The following LY75 variants were observed in gnomAD, a reference collection of about 807,000 sequenced individuals.
The protein encoded by LY75 is C-type lectin domain family 13 member B.
A neutral mutation model predicts 231.7 loss-of-function variants in LY75; 185 were observed. That is an observed-to-expected ratio of 0.80 (90% CI 0.71 to 0.90). The LOEUF (loss-of-function observed/expected upper bound fraction) is 0.90, where lower values mean the gene tolerates loss of function less well. Among genes scored for constraint, LY75 ranks in the 40% least tolerant of loss-of-function variants. The pLI is 0.00. For missense variants in LY75, 1,947 were observed against 2,050.2 expected (o/e 0.95, Z 0.97); for synonymous variants, 668 against 689.0 (o/e 0.97, Z 0.48).
intron 26 of LY75, among the ~76,000 whole-genome samples, chr2:159,834,536 A>G (rs553682169): frequency 2.6e-4 from 40 of 152,212 alleles, no homozygotes; most frequent in Non-Finnish European, 5.6e-4. Flanking sequence ...CTGTACAAAC[A>G]TATTCATTAT....
chr2:159,881,152 T>A lies in LY75; in HGVS notation c.1335A>T (p.Thr445=), dbSNP rs2666989. ...CATTTGGCTCATTCTCATCCCAATA[T>A]GTTAGAGTAACTTCAGTACCATCTG... The part of the protein sequence containing the change: ...QWSDGTEVTL[T]YWDENEPNVP... Residue 445 remains threonine (T), a synonymous_variant, in exon 8 of 35, where the codon ACA becomes ACT. Coordinates refer to ENST00000263636, the MANE Select transcript of LY75 (RefSeq NM_002349.4). The A allele has an allele frequency of 0.011, 17,671 of 1,613,926 alleles. 1,248 individuals carry two copies. In the East Asian group the frequency reaches 0.19, roughly 18 times the overall value.
intron 2 of LY75, among the ~76,000 whole-genome samples, chr2:159,897,152 G>A (rs1212338647): frequency 1.3e-5 from 2 of 152,154 alleles, no homozygotes; most frequent in Non-Finnish European, 2.9e-5. Context: ...ATATTGAAAT[G>A]AAGACACTGG....
chr2:159,815,446 T>G lies in LY75; in HGVS notation c.4508A>C (p.Asn1503Thr). ...PKGTWKHEKC[N>T]SVKDGAICYK... is the part of the protein sequence containing the mutation. The stretch of plus-strand genomic sequence containing the variant: ...ACAAATAGCACCATCCTTAACAGAG[T>G]TGCATTTTTCATGTTTCCAAGTTCC... Residue 1503 changes from asparagine (N) to threonine (T), a missense_variant, in exon 31 of 35, where the codon AAC becomes ACC. Asn to Thr is a moderately conservative substitution (Grantham distance 65). Transcript: ENST00000263636. 2 of 1,612,672 alleles carry G rather than the reference T, an allele frequency of 1.2e-6. No homozygotes were observed. Among genetic ancestry groups the G allele is most frequent in the African/African-American group, 2.7e-5 (2 of 74,890 alleles).
intron 29 of LY75, among the ~76,000 whole-genome samples, chr2:159,819,505 A>T (rs757246126): frequency 2.4e-4 from 36 of 152,118 alleles, no homozygotes; most frequent in Non-Finnish European, 4.6e-4. Context: ...TTAAACAATG[A>T]TAAGGAATTT....
rs370205806 is a variant in LY75 at position 159,888,906 on chromosome 2, C to T, written c.802+1307G>A. 9.2e-5 allele frequency among the ~76,000 whole-genome samples: 14 copies of T among 152,228 alleles called. No homozygotes were observed. The East Asian group carries it at 2.3e-3, about 25-fold the overall frequency. ...ATCTGCAAAATGAGGATAACAATAACGTCCACCTCATAAGGTAGTTAGATG... is the reference window on the plus strand; with the variant it reads ...ATCTGCAAAATGAGGATAACAATAATGTCCACCTCATAAGGTAGTTAGATG... On this transcript the variant is annotated intron_variant, in intron 4 of 34. Transcript: ENST00000263636.
In LY75 at chr2:159,807,160, A is replaced by T. The variant is rs776155777; in HGVS notation, c.4823-20T>A. 1 of 1,602,100 alleles carries T rather than the reference A, an allele frequency of 6.2e-7. No homozygotes were observed. On this transcript the variant is annotated intron_variant, in intron 33 of 34. Transcript: ENST00000263636. ...ACTGGTCTGAAGAAAGAAATTAAATACAACTATGTCTACTGCCACTAAACT... is the reference window on the plus strand; with the variant it reads ...ACTGGTCTGAAGAAAGAAATTAAATTCAACTATGTCTACTGCCACTAAACT...
intron 16 of LY75, among the ~76,000 whole-genome samples, chr2:159,856,330 G>A (rs1684549792): frequency 6.6e-6 from 1 of 152,124 alleles, no homozygotes. Context: ...CTGTGGTTGA[G>A]GTAACTTCAA....
chr2:159,828,897 G>A (rs982619047), intron 28 of LY75, among the ~76,000 whole-genome samples: 1 of 152,074 alleles, frequency 6.6e-6, no homozygotes, highest in Non-Finnish European at 1.5e-5. Context: ...CCAGTCACAC[G>A]CAAAAAGCAC....
Position 159,846,202 on chromosome 2 carries a change from T to C in LY75, c.3150+3778A>G, listed in dbSNP as rs533241275. 5.3e-5 allele frequency among the ~76,000 whole-genome samples: 8 copies of C among 151,406 alleles called. 1 individual carries two copies. The South Asian group carries it at 1.7e-3, about 32-fold the overall frequency. On this transcript the variant is annotated intron_variant, in intron 23 of 34. Transcript: ENST00000263636. ...TGTATCATATACCATGGATGTAACA[T>C]GCTATCAGAAAGGGGAAAAAAAAAA...
chr2:159,874,657 A>AAT (rs1448628725), intron 12 of LY75, among the ~76,000 whole-genome samples: 3 of 124,448 alleles, frequency 2.4e-5, no homozygotes, highest in Non-Finnish European at 4.8e-5. Context: ...ATATTTTGTA[A>AAT]ATATATATAT....
Position 159,879,344 on chromosome 2 carries a change from C to T in LY75, c.1430G>A (p.Cys477Tyr), listed in dbSNP as rs779785070. 1 of 1,613,398 alleles carries T rather than the reference C, an allele frequency of 6.2e-7. No homozygotes were observed. Among genetic ancestry groups the T allele is most frequent in the Non-Finnish European group, 8.5e-7 (1 of 1,179,818 alleles). ...GELGQWKVQS[C>Y]EEKLKYVCKR... The stretch of plus-strand genomic sequence containing the variant: ...GCATACATATTTTAGTTTCTCCTCA[C>T]ATGATTGGACTTTCCACTGACCTAG... Residue 477 changes from cysteine to tyrosine, a missense_variant, in exon 9 of 35, where the codon TGT becomes TAT. Transcript: ENST00000263636.
intron 28 of LY75, among the ~76,000 whole-genome samples, chr2:159,828,352 A>G (rs905149134): frequency 1.3e-5 from 2 of 152,048 alleles, no homozygotes; most frequent in Non-Finnish European, 2.9e-5. Flanking sequence ...AAAAATCTGA[A>G]TAGGGATTTC....
intron 1 of LY75, among the ~76,000 whole-genome samples, chr2:159,899,743 T>G (rs1160251986): frequency 6.6e-6 from 1 of 152,184 alleles, no homozygotes; most frequent in Non-Finnish European, 1.5e-5. Context: ...TTTGGAGACC[T>G]AAATTCATTG....
Position 159,881,055 on chromosome 2 carries a change from T to C in LY75, c.1404+28A>G, listed in dbSNP as rs754810002. 5 of 1,603,956 alleles carry C rather than the reference T, an allele frequency of 3.1e-6. No homozygotes were observed. The South Asian group carries it at 5.6e-5, about 18-fold the overall frequency. Reference sequence around the variant, plus strand: ...TTATCATTAGGTAAAACAGGAAGAATATAAAGAAACCACAGGAGGTTTCGT... The same window carrying C: ...TTATCATTAGGTAAAACAGGAAGAACATAAAGAAACCACAGGAGGTTTCGT... On this transcript the variant is annotated intron_variant, in intron 8 of 34. Transcript: ENST00000263636.
At chr2:159,808,189 A>T (rs1225927202) in intron 33 of LY75, 2 of 895,782 alleles carry the variant, frequency 2.2e-6, no homozygotes, top group African/African-American at 3.6e-5. Flanking sequence ...TGATCCAAGG[A>T]TCCCAGAAAT....
In LY75 at chr2:159,808,526, T is replaced by G; in HGVS notation, c.4745A>C (p.Lys1582Thr). ...TTCCCTCATCAGTCTGCTCACAAAT[T>G]TATTCTCATCTTCATCTTTTATGGA... ...IVSIKDEDEN[K>T]FVSRLMRENN... The change falls in exon 33 of 35, where the codon AAA becomes ACA. Residue 1582 changes from lysine to threonine, a missense_variant. Physicochemically the swap from Lys to Thr is moderately conservative, Grantham distance 78 (BLOSUM62 -1). Coordinates refer to ENST00000263636, the MANE Select transcript of LY75 (RefSeq NM_002349.4). The G allele has an allele frequency of 6.2e-7, 1 of 1,613,908 alleles. No individual in the cohort carries two copies.
intron 21 of LY75, among the ~76,000 whole-genome samples, chr2:159,850,800 T>TATATATATATATA (rs1560081076): frequency 1.7e-4 from 10 of 59,398 alleles, no homozygotes; most frequent in East Asian, 1.3e-3. Flanking sequence ...ATATATATAT[T>TATATATATATATA]ATATCTTATA....
chr2:159,879,456 C>G, intron 8 of LY75, 87 bp from the exon 9 acceptor site: 3 of 1,542,882 alleles, frequency 1.9e-6, no homozygotes, highest in Non-Finnish European at 2.6e-6. Flanking sequence ...ATGACAGAGA[C>G]AGAGAGAGAG....
intron 13 of LY75, among the ~76,000 whole-genome samples, chr2:159,869,483 G>A (rs1196150098): frequency 6.6e-6 from 1 of 152,098 alleles, no homozygotes; most frequent in Non-Finnish European, 1.5e-5. Flanking sequence ...TCTCACTGGT[G>A]AAATATAAGT....
Sources: allele counts gnomAD v4.1 joint callset (sites outside exome capture counted in the v4.1 genomes callset), GRCh38; gene constraint gnomAD v4.1.1; transcripts MANE v1.5; gene names NCBI Gene and HGNC (gene_info 2026-07-23, HGNC 2026-07-21).